ZNF804B: variants seen among roughly 807,000 people sequenced by gnomAD.
ZNF804B encodes the protein zinc finger protein 804B.
In ZNF804B, 80 loss-of-function variants were observed where a neutral mutation model predicts 101.4. That is an observed-to-expected ratio of 0.79 (90% CI 0.66 to 0.95). The LOEUF is 0.95. ZNF804B is among the 40% of genes least tolerant of loss of function. The pLI is 0.00. For synonymous variants in ZNF804B, 622 were observed against 558.8 expected (o/e 1.11, Z -1.59); for missense variants, 1,673 against 1,561.9 (o/e 1.07, Z -1.20).
intron 1 of ZNF804B, among the ~76,000 whole-genome samples, chr7:88,854,859 G>GT (rs1251346045): frequency 4.7e-5 from 7 of 149,346 alleles, no homozygotes; most frequent in Admixed American, 4.1e-4. Flanking sequence ...GTGGTGTTTG[G>GT]TTTTTTGTCC....
chr7:89,086,369 G>C (rs1789801347), intron 1 of ZNF804B, among the ~76,000 whole-genome samples: 1 of 151,874 alleles, frequency 6.6e-6, no homozygotes, highest in Non-Finnish European at 1.5e-5. Flanking sequence ...CCCTACCTAT[G>C]AAAATGACAA....
chr7:89,230,514 GT>G (rs909777889), intron 2 of ZNF804B, among the ~76,000 whole-genome samples: 3 of 152,070 alleles, frequency 2.0e-5, no homozygotes, highest in African/African-American at 4.8e-5. Flanking sequence ...GTTTCAAAAA[GT>G]ACTATAAAAC....
At chr7:89,202,078 GTAT>G (rs1327451105) in intron 1 of ZNF804B, among the ~76,000 whole-genome samples, 1 of 152,006 alleles carries the variant, frequency 6.6e-6, no homozygotes, top group East Asian at 1.9e-4. Flanking sequence ...TAGGGATTGT[GTAT>G]TATTATCATG....
chr7:88,760,197 G>A, intron 1 of ZNF804B, 113 bp downstream of exon 1: 1 of 824,926 alleles, frequency 1.2e-6, no homozygotes, highest in Non-Finnish European at 2.0e-6. Context: ...CATCTAAAAC[G>A]TATACCTTAT....
At chr7:88,939,186 T>A (rs1033608450) in intron 1 of ZNF804B, among the ~76,000 whole-genome samples, 2 of 152,048 alleles carry the variant, frequency 1.3e-5, no homozygotes, top group Non-Finnish European at 2.9e-5. Flanking sequence ...AATTTATAGA[T>A]GTTCAAATTC....
At chr7:89,019,096 A>G (rs938135883) in intron 1 of ZNF804B, among the ~76,000 whole-genome samples, 1 of 151,862 alleles carries the variant, frequency 6.6e-6, no homozygotes, top group East Asian at 1.9e-4. Flanking sequence ...AAGCTTTTCT[A>G]CTTTATTGAT....
chr7:88,846,331 T>C (rs907276390), intron 1 of ZNF804B, among the ~76,000 whole-genome samples: 6 of 152,198 alleles, frequency 3.9e-5, no homozygotes, highest in Admixed American at 2.6e-4. Flanking sequence ...AAAAAGAATA[T>C]TCATGAAAAA....
chr7:88,778,126 G>A (rs1790172833), intron 1 of ZNF804B, among the ~76,000 whole-genome samples: 1 of 152,072 alleles, frequency 6.6e-6, no homozygotes, highest in Non-Finnish European at 1.5e-5. Context: ...AAGCTGCCCT[G>A]CTTTCTACAG....
chr7:88,828,415 T>C (rs1791079766), intron 1 of ZNF804B, among the ~76,000 whole-genome samples: 1 of 152,090 alleles, frequency 6.6e-6, no homozygotes, highest in Admixed American at 6.6e-5. Context: ...GAAGAGTCCT[T>C]GACATGTTCA....
chr7:89,145,868 A>T (rs565748633), intron 1 of ZNF804B, among the ~76,000 whole-genome samples: 18 of 152,024 alleles, frequency 1.2e-4, no homozygotes, highest in Admixed American at 7.2e-4. Flanking sequence ...TAAGGAATTT[A>T]AAAAAAAGCT....
At chr7:89,319,885 A>C (rs1283997546) in intron 2 of ZNF804B, among the ~76,000 whole-genome samples, 1 of 152,186 alleles carries the variant, frequency 6.6e-6, no homozygotes, top group Admixed American at 6.5e-5. Context: ...ACAGAAAAAG[A>C]AGCATGTCTG....
chr7:89,085,140 C>T lies in ZNF804B; in HGVS notation c.109-133015C>T, dbSNP rs1036476323. The stretch of plus-strand genomic sequence containing the variant: ...TCATTCTGTAAGTTTAGAATATGCT[C>T]GCCAAATCAAAGCTCTTTTGAAAAA... On this transcript the variant is annotated intron_variant, in intron 1 of 3. Coordinates refer to ENST00000333190, the MANE Select transcript of ZNF804B (RefSeq NM_181646.5). Among the ~76,000 whole-genome samples the T allele has an allele frequency of 1.0e-4, 4 of 39,226 alleles. No individual in the cohort carries two copies. The African/African-American group carries it at 1.1e-3, about 11-fold the overall frequency. 25.7% of individuals were successfully genotyped at this position (39,226 alleles called of 152,430 possible).
intron 1 of ZNF804B, among the ~76,000 whole-genome samples, chr7:89,113,116 G>A (rs1790245411): frequency 6.6e-6 from 1 of 152,196 alleles, no homozygotes; most frequent in South Asian, 2.1e-4. Flanking sequence ...AGTTGCCCTG[G>A]AAGGAACTAT....
At chr7:89,287,559 A>T (rs1790224268) in intron 2 of ZNF804B, among the ~76,000 whole-genome samples, 1 of 152,190 alleles carries the variant, frequency 6.6e-6, no homozygotes. Flanking sequence ...TTAACGGATA[A>T]ACTATTTGTT....
In ZNF804B at chr7:89,336,504, A is replaced by C; in HGVS notation, c.3522A>C (p.Leu1174=). The change falls in exon 4 of 4, where the codon CTA becomes CTC. Residue 1174 remains leucine (L), a synonymous_variant. Coordinates refer to ENST00000333190, the MANE Select transcript of ZNF804B (RefSeq NM_181646.5). The part of the protein sequence containing the change: ...QAQQHMQKQL[L]SKHLRVLPAA... ...AGCAGCATATGCAGAAGCAACTCCT[A>C]TCAAAGCATCTTCGAGTTTTGCCTG... 1 of 1,614,092 alleles carries C rather than the reference A, an allele frequency of 6.2e-7. No individual in the cohort carries two copies. Among genetic ancestry groups the C allele is most frequent in the Non-Finnish European group, 8.5e-7 (1 of 1,180,010 alleles).
chr7:89,263,316 C>G (rs892309196), intron 2 of ZNF804B, among the ~76,000 whole-genome samples: 8 of 151,824 alleles, frequency 5.3e-5, no homozygotes, highest in African/African-American at 1.9e-4. Context: ...CCAGCACAGA[C>G]CAGTTAATGT....
intron 1 of ZNF804B, among the ~76,000 whole-genome samples, chr7:88,978,827 C>CTTCCTTCT (rs1793655263): frequency 6.7e-6 from 1 of 148,698 alleles, no homozygotes; most frequent in South Asian, 2.2e-4. Flanking sequence ...TCCCTCCTTC[C>CTTCCTTCT]TTCCTTCTTT....
chr7:88,859,914 A>G (rs17164821), intron 1 of ZNF804B, among the ~76,000 whole-genome samples: 4,303 of 151,998 alleles, frequency 0.028, 217 homozygotes, highest in African/African-American at 0.098. Flanking sequence ...TTCCTTATGT[A>G]CTTCAAAAAG....
intron 2 of ZNF804B, among the ~76,000 whole-genome samples, chr7:89,284,261 C>G (rs1238138292): frequency 6.6e-6 from 1 of 152,190 alleles, no homozygotes; most frequent in East Asian, 1.9e-4. Context: ...TGCTGATCAT[C>G]TTCATGTGGG....
Sources: allele counts gnomAD v4.1 joint callset (sites outside exome capture counted in the v4.1 genomes callset), GRCh38; gene constraint gnomAD v4.1.1; transcripts MANE v1.5; gene names NCBI Gene and HGNC (gene_info 2026-07-23, HGNC 2026-07-21).